Variants in ARL15 observed in about 807,000 individuals in gnomAD.
The protein encoded by ARL15 is ADP-ribosylation factor-like protein 15.
In ARL15, 19 loss-of-function variants were observed where a neutral mutation model predicts 25.2. That is an observed-to-expected ratio of 0.75 (90% CI 0.53 to 1.10). The LOEUF (loss-of-function observed/expected upper bound fraction) is 1.10, where lower values mean the gene tolerates loss of function less well. Among genes scored for constraint, ARL15 ranks in the 50% least tolerant of loss-of-function variants. ARL15 has a pLI of 0.00. For synonymous variants in ARL15, 94 were observed against 86.8 expected, an observed-to-expected ratio of 1.08 and a Z score of -0.46; for missense variants, 220 against 246.0, an observed-to-expected ratio of 0.89 and a Z score of 0.71.
At chr5:54,282,550 A>G (rs978907025) in intron 1 of ARL15, 9 of 985,216 alleles carry the variant, frequency 9.1e-6, no homozygotes, top group Middle Eastern at 5.2e-4. Flanking sequence ...TGTAAGGCAG[A>G]TACTTTGTCC....
rs115096624 is a variant in ARL15, at chr5:53,951,398, T to C, written c.463-64685A>G. The C allele has an allele frequency of 1.8e-3, 799 of 437,204 alleles. 7 individuals carry two copies. The highest frequency in any genetic ancestry group is 0.015 in the African/African-American group (743 of 48,106). The allele number at this position is 437,204 out of a possible 1,614,324, so 27.1% of individuals were successfully genotyped here. ...ATACAAAAATCATATACTTTGGATG[T>C]TGCAGAGATGTCAGATTGCTATAAA... On this transcript the variant is annotated intron_variant, in intron 4 of 4. Transcript: ENST00000504924.
At chr5:54,212,836 G>T (rs902256830) in intron 1 of ARL15, among the ~76,000 whole-genome samples, 2 of 152,134 alleles carry the variant, frequency 1.3e-5, no homozygotes, top group Non-Finnish European at 2.9e-5. Flanking sequence ...GATTTAATGG[G>T]GGGGAGATGC....
At chr5:54,071,979 G>GAAAAAAAAAAAAAAA (rs71989027) in intron 4 of ARL15, among the ~76,000 whole-genome samples, 7 of 126,168 alleles carry the variant, frequency 5.5e-5, no homozygotes, top group Non-Finnish European at 8.1e-5. Flanking sequence ...CTCAAAAAAA[G>GAAAAAAAAAAAAAAA]AAAAAAAAAA....
intron 4 of ARL15, among the ~76,000 whole-genome samples, chr5:54,003,456 A>C (rs1337889345): frequency 6.6e-6 from 1 of 152,230 alleles, no homozygotes; most frequent in African/African-American, 2.4e-5. Context: ...TGAAAAGTAC[A>C]TGCACATTGA....
chr5:54,208,934 A>G (rs4865809), intron 1 of ARL15, among the ~76,000 whole-genome samples: 116,503 of 152,166 alleles, frequency 0.77, 45,327 homozygotes, highest in Middle Eastern at 0.82. Flanking sequence ...CCTATTTGAA[A>G]TTATGAAGAG....
At chr5:53,903,250 T>C (rs190511574) in intron 4 of ARL15, among the ~76,000 whole-genome samples, 5 of 152,302 alleles carry the variant, frequency 3.3e-5, no homozygotes, top group African/African-American at 9.6e-5. Flanking sequence ...TACCACAGCA[T>C]TGGGAGTGTG....
At chr5:54,160,346 A>T (rs1237030790) in intron 2 of ARL15, among the ~76,000 whole-genome samples, 2 of 152,166 alleles carry the variant, frequency 1.3e-5, no homozygotes, top group East Asian at 1.9e-4. Flanking sequence ...TTTCATGAAC[A>T]TTTTCAATCT....
chr5:53,950,130 A>T (rs982539593), intron 4 of ARL15, among the ~76,000 whole-genome samples: 1 of 152,180 alleles, frequency 6.6e-6, no homozygotes, highest in African/African-American at 2.4e-5. Flanking sequence ...TGTAGTATTC[A>T]AGTGTTTAAA....
At chr5:53,957,659 C>T (rs1210479508) in intron 4 of ARL15, among the ~76,000 whole-genome samples, 2 of 151,588 alleles carry the variant, frequency 1.3e-5, no homozygotes, top group East Asian at 2.0e-4. Flanking sequence ...CTTGTCTCTA[C>T]AAAAAAATAC....
intron 1 of ARL15, among the ~76,000 whole-genome samples, chr5:54,246,835 CACACACACACAG>C (rs1266230675): frequency 1.3e-4 from 18 of 135,454 alleles, no homozygotes; most frequent in African/African-American, 4.9e-4. Flanking sequence ...CACACACACA[CACACACACACAG>C]AGTACATAAA....
intron 4 of ARL15, among the ~76,000 whole-genome samples, chr5:54,075,073 G>GAAAAAA (rs3836818): frequency 0.36 from 22,498 of 62,948 alleles, 5,471 homozygotes; most frequent in Non-Finnish European, 0.44. Context: ...CAGAATACAG[G>GAAAAAA]AAAAAAAAAA....
At chr5:54,125,372 G>C (rs1206797187) in intron 3 of ARL15, among the ~76,000 whole-genome samples, 1 of 152,108 alleles carries the variant, frequency 6.6e-6, no homozygotes, top group Non-Finnish European at 1.5e-5. Context: ...TGCCACACTA[G>C]AGAGTCACAC....
chr5:54,038,411 A>G (rs1304962071), intron 4 of ARL15, among the ~76,000 whole-genome samples: 2 of 152,158 alleles, frequency 1.3e-5, no homozygotes, highest in Middle Eastern at 3.2e-3. Context: ...AAGTTTACTT[A>G]ATTATAATGA....
At chr5:54,175,351 TCAGA>T (rs1579874749) in intron 1 of ARL15, among the ~76,000 whole-genome samples, 1 of 151,972 alleles carries the variant, frequency 6.6e-6, no homozygotes, top group Admixed American at 6.5e-5. Flanking sequence ...TTTTTTTTTT[TCAGA>T]CAGAGTTTCA....
chr5:54,092,181 C>CT (rs1752149651), intron 4 of ARL15, among the ~76,000 whole-genome samples: 1 of 152,104 alleles, frequency 6.6e-6, no homozygotes, highest in Non-Finnish European at 1.5e-5. Flanking sequence ...AAGCTCTGTG[C>CT]TATGTATTTA....
chr5:54,271,913 T>C (rs1397406183), intron 1 of ARL15, among the ~76,000 whole-genome samples: 1 of 122,602 alleles, frequency 8.2e-6, no homozygotes, highest in Non-Finnish European at 1.7e-5. Flanking sequence ...AACATTTATT[T>C]ATTTATTTAT....
chr5:53,920,502 T>A (rs1002037423), intron 4 of ARL15, among the ~76,000 whole-genome samples: 18 of 151,592 alleles, frequency 1.2e-4, no homozygotes, highest in African/African-American at 4.4e-4. Flanking sequence ...GCTTCTGGAA[T>A]TTTTTTTTAA....
At chr5:54,177,743 C>A (rs1379082123) in intron 1 of ARL15, among the ~76,000 whole-genome samples, 3 of 152,176 alleles carry the variant, frequency 2.0e-5, no homozygotes, top group Admixed American at 1.3e-4. Flanking sequence ...CAAATCACCA[C>A]TATTCCTTCA....
At chr5:54,072,670 G>A (rs1181742688) in intron 4 of ARL15, among the ~76,000 whole-genome samples, 4 of 152,214 alleles carry the variant, frequency 2.6e-5, no homozygotes, top group Non-Finnish European at 5.9e-5. Context: ...CATACCCCAT[G>A]TGAATGTCAC....
Sources: allele counts gnomAD v4.1 joint callset (sites outside exome capture counted in the v4.1 genomes callset), GRCh38; gene constraint gnomAD v4.1.1; transcripts MANE v1.5; gene names NCBI Gene and HGNC (gene_info 2026-07-23, HGNC 2026-07-21).